Variants in PRKN observed in about 807,000 individuals in gnomAD.
The protein encoded by PRKN is parkin RBR E3 ubiquitin protein ligase, also known as E3 ubiquitin-protein ligase parkin.
In PRKN, 56 loss-of-function variants were observed where a neutral mutation model predicts 59.5. The ratio of observed to expected loss-of-function variants is 0.94; its 90% CI spans 0.76 to 1.18. The LOEUF (loss-of-function observed/expected upper bound fraction) is 1.18. Ranked by LOEUF, PRKN falls within the 50% of genes most tolerant of loss-of-function variation. PRKN has a pLI of 0.00. For missense variants in PRKN, 657 were observed against 596.4 expected, an observed-to-expected ratio of 1.10 and a Z score of -1.06; for synonymous variants, 250 against 222.1, an observed-to-expected ratio of 1.13 and a Z score of -1.12.
chr6:162,112,211 C>T (rs1780468975), intron 4 of PRKN, among the ~76,000 whole-genome samples: 1 of 152,196 alleles, frequency 6.6e-6, no homozygotes, highest in South Asian at 2.1e-4. Context: ...AATCCATTTA[C>T]AAATCCAGCT....
At chr6:162,604,589 GT>G (rs1412589663) in intron 1 of PRKN, among the ~76,000 whole-genome samples, 5 of 151,612 alleles carry the variant, frequency 3.3e-5, no homozygotes, top group Admixed American at 2.6e-4. Flanking sequence ...CTGGGTCCAT[GT>G]TTTTCCCCCA....
intron 6 of PRKN, among the ~76,000 whole-genome samples, chr6:161,807,815 G>C (rs1022170228): frequency 6.6e-6 from 1 of 152,116 alleles, no homozygotes; most frequent in Non-Finnish European, 1.5e-5. Flanking sequence ...TCTTAACTTA[G>C]ATCTTCATAA....
At chr6:161,509,810 G>A (rs1175630298) in intron 9 of PRKN, among the ~76,000 whole-genome samples, 14 of 149,032 alleles carry the variant, frequency 9.4e-5, no homozygotes, top group Non-Finnish European at 1.9e-4. Context: ...AACCCAGGAG[G>A]CAGAGGTTGC....
intron 8 of PRKN, among the ~76,000 whole-genome samples, chr6:161,555,584 C>A (rs999206430): frequency 6.6e-6 from 1 of 152,132 alleles, no homozygotes; most frequent in Non-Finnish European, 1.5e-5. Flanking sequence ...ACCGGACTAT[C>A]TCCTTCCTTT....
At chr6:161,870,970 T>C (rs1794318034) in intron 6 of PRKN, among the ~76,000 whole-genome samples, 1 of 150,972 alleles carries the variant, frequency 6.6e-6, no homozygotes, top group Non-Finnish European at 1.5e-5. Context: ...AAATTAGAGA[T>C]AGGGTAATCA....
intron 4 of PRKN, among the ~76,000 whole-genome samples, chr6:162,111,864 C>T (rs940414682): frequency 7.2e-5 from 11 of 152,198 alleles, no homozygotes; most frequent in African/African-American, 2.7e-4. Flanking sequence ...AGTCTTGCTT[C>T]CATAACTCAA....
chr6:162,186,590 A>T (rs1204205007), intron 4 of PRKN, among the ~76,000 whole-genome samples: 1 of 152,120 alleles, frequency 6.6e-6, no homozygotes, highest in Non-Finnish European at 1.5e-5. Flanking sequence ...CTGTGTCCCC[A>T]CCCAAATCTC....
At chr6:161,890,113 A>T (rs1235398763) in intron 6 of PRKN, among the ~76,000 whole-genome samples, 1 of 152,176 alleles carries the variant, frequency 6.6e-6, no homozygotes, top group African/African-American at 2.4e-5. Flanking sequence ...TGTGTGACTA[A>T]AGCAATGAGA....
intron 1 of PRKN, among the ~76,000 whole-genome samples, chr6:162,615,158 G>C (rs2128219625): frequency 6.6e-6 from 1 of 152,146 alleles, no homozygotes; most frequent in Middle Eastern, 3.4e-3. Context: ...ATTGTGCTTT[G>C]TCAGCCCATA....
rs973671636 is a variant in PRKN at position 161,460,012 on chromosome 6, A to G, written c.1084-73135T>C. Among the ~76,000 whole-genome samples, 4 of 152,202 alleles carry G rather than the reference A, an allele frequency of 2.6e-5. No homozygotes were observed. Among genetic ancestry groups the G allele is most frequent in the African/African-American group, 9.7e-5 (4 of 41,450 alleles). On this transcript the variant is annotated intron_variant, in intron 9 of 11. Coordinates refer to ENST00000366898, the MANE Select transcript of PRKN (RefSeq NM_004562.3). This position sits in a 1 kb window ranked among gnomAD's most constrained non-coding sequence, Gnocchi z 5.0. Reference sequence around the variant, plus strand: ...TTTCCTTTAATTCAACTATCCATCCATCAGTCCATCCATCCATCCATTCAT... The same window carrying G: ...TTTCCTTTAATTCAACTATCCATCCGTCAGTCCATCCATCCATCCATTCAT...
At chr6:162,480,272 AG>A (rs944516473) in intron 1 of PRKN, among the ~76,000 whole-genome samples, 1 of 152,152 alleles carries the variant, frequency 6.6e-6, no homozygotes, top group African/African-American at 2.4e-5. Context: ...AGACATCACT[AG>A]GCTATAGGAG....
intron 7 of PRKN, among the ~76,000 whole-genome samples, chr6:161,622,211 A>G (rs1308357986): frequency 6.6e-6 from 1 of 151,828 alleles, no homozygotes. Context: ...CCCTGTCACC[A>G]CCTGCTCTGG....
At chr6:162,643,402 A>AAAAG (rs1778040540) in intron 1 of PRKN, among the ~76,000 whole-genome samples, 2 of 149,396 alleles carry the variant, frequency 1.3e-5, no homozygotes, top group African/African-American at 2.4e-5. Context: ...TGCCTCAAAA[A>AAAAG]AAAAAAAAAA....
At position 161,575,678 on chromosome 6, in the gene PRKN, T is replaced by C. The variant is rs138782153; in HGVS notation, c.872-6262A>G. Among the ~76,000 whole-genome samples the C allele has an allele frequency of 2.8e-3, 428 of 152,314 alleles. 4 individuals carry two copies. Among genetic ancestry groups the C allele is most frequent in the Admixed American group, 5.3e-3 (81 of 15,306 alleles). ...GGCTTGGGATAGAAATGGAAATGGA[T>C]TTCAGCTCTCTGATGTGCTCCTGGC... On this transcript the variant is annotated intron_variant, in intron 7 of 11. Coordinates refer to ENST00000366898, the MANE Select transcript of PRKN (RefSeq NM_004562.3). The surrounding 1 kb of genome is among the most constrained non-coding windows in gnomAD (Gnocchi z 4.6).
At chr6:162,031,500 G>C (rs1185049800) in intron 5 of PRKN, among the ~76,000 whole-genome samples, 1 of 151,052 alleles carries the variant, frequency 6.6e-6, no homozygotes, top group African/African-American at 2.4e-5. Flanking sequence ...TATTCAAAAG[G>C]CTGCCAAAAG....
chr6:161,552,832 C>A lies in PRKN; in HGVS notation c.934-3829G>T, dbSNP rs950302098. Among the ~76,000 whole-genome samples, 1 of 143,830 alleles carries A rather than the reference C, an allele frequency of 7.0e-6. No individual in the cohort carries two copies. Among genetic ancestry groups the A allele is most frequent in the Non-Finnish European group, 1.5e-5 (1 of 66,554 alleles). The allele number at this position is 143,830 out of a possible 152,430, so 94.4% of individuals were successfully genotyped here. On this transcript the variant is annotated intron_variant, in intron 8 of 11. Coordinates refer to ENST00000366898, the MANE Select transcript of PRKN (RefSeq NM_004562.3). This position sits in a 1 kb window ranked among gnomAD's most constrained non-coding sequence, Gnocchi z 4.9. ...TTTTTTAGACGGAGTCTCGTTGTTA[C>A]GCGGCTGGAGTACAGTGGCGCAATC...
chr6:162,293,317 T>C (rs146153461), intron 2 of PRKN, among the ~76,000 whole-genome samples: 1 of 152,092 alleles, frequency 6.6e-6, no homozygotes, highest in Non-Finnish European at 1.5e-5. Context: ...AAAGAGTATT[T>C]CTCAAAGGGG....
At chr6:161,728,743 C>T (rs1251554756) in intron 7 of PRKN, among the ~76,000 whole-genome samples, 1 of 152,162 alleles carries the variant, frequency 6.6e-6, no homozygotes, top group East Asian at 1.9e-4. Flanking sequence ...ATGATGATGG[C>T]ATGTAGGCTC....
Position 161,428,427 on chromosome 6 carries a change from G to A in PRKN, c.1084-41550C>T, listed in dbSNP as rs1788491572. ...CATCCGCCGGAGTCTGTGAGCTTCAGGGTCCACACGAGCCTCATGGAGAGA... is the reference window on the plus strand; with the variant it reads ...CATCCGCCGGAGTCTGTGAGCTTCAAGGTCCACACGAGCCTCATGGAGAGA... On this transcript the variant is annotated intron_variant, in intron 9 of 11. Transcript: ENST00000366898. The surrounding 1 kb of genome is among the most constrained non-coding windows in gnomAD (Gnocchi z 4.0). Among the ~76,000 whole-genome samples, 1 of 152,138 alleles carries A rather than the reference G, an allele frequency of 6.6e-6. No individual in the cohort carries two copies. The highest frequency in any genetic ancestry group is 1.5e-5 in the Non-Finnish European group (1 of 68,038).
Sources: allele counts gnomAD v4.1 joint callset (sites outside exome capture counted in the v4.1 genomes callset), GRCh38; gene constraint gnomAD v4.1.1; non-coding constraint Gnocchi (gnomAD v3.1); transcripts MANE v1.5; gene names NCBI Gene and HGNC (gene_info 2026-07-23, HGNC 2026-07-21).